TK2: variants seen among roughly 807,000 people sequenced by gnomAD.
TK2 encodes the protein thymidine kinase 2, mitochondrial.
A neutral mutation model predicts 41.9 loss-of-function variants in TK2; 35 were observed. That is an observed-to-expected ratio of 0.84 (90% CI 0.64 to 1.11). The LOEUF is 1.11. Among genes scored for constraint, TK2 ranks in the 50% least tolerant of loss-of-function variants. The pLI is 0.00. For synonymous variants in TK2, 128 were observed against 129.1 expected (o/e 0.99, Z 0.06); for missense variants, 320 against 351.1 (o/e 0.91, Z 0.71).
At chr16:66,549,727 T>C (rs1421566039) in intron 1 of TK2, 9 of 1,278,190 alleles carry the variant, frequency 7.0e-6, no homozygotes, top group Non-Finnish European at 8.8e-6. Flanking sequence ...CCTCTCTCCA[T>C]CCCAGAACCA....
chr16:66,509,520 G>C lies in TK2; in HGVS notation c.*2448C>G, dbSNP rs1964388306. 1 of 152,240 alleles carries C rather than the reference G, an allele frequency of 6.6e-6. No homozygotes were observed. Among genetic ancestry groups the C allele is most frequent in the Admixed American group, 6.5e-5 (1 of 15,286 alleles). 9.4% of individuals were successfully genotyped at this position (152,240 alleles called of 1,614,324 possible). A position where few individuals can be genotyped will look rare whatever the true frequency, so the allele number is the denominator to read the frequency against. On this transcript the variant is annotated 3_prime_UTR_variant, in exon 10 of 10. Coordinates refer to ENST00000544898, the MANE Select transcript of TK2 (RefSeq NM_004614.5). ...ATAAAAGCTGAAATAAATGCTAATT[G>C]AAAGAAAATGTATATGTGCAACAAA...
At chr16:66,544,571 CTG>C (rs1285321460) in intron 2 of TK2, among the ~76,000 whole-genome samples, 1 of 152,178 alleles carries the variant, frequency 6.6e-6, no homozygotes, top group Non-Finnish European at 1.5e-5. Flanking sequence ...CAACAGGAAA[CTG>C]TGAAAAGGAG....
intron 5 of TK2, among the ~76,000 whole-genome samples, chr16:66,530,993 G>A (rs1197385005): frequency 6.6e-6 from 1 of 152,214 alleles, no homozygotes; most frequent in African/African-American, 2.4e-5. Context: ...AAAGTGCTGG[G>A]ATTACAGGTG....
rs1567523140 is a variant in TK2, at chr16:66,513,163, CG to C, written c.699+567del. 2.6e-5 allele frequency among the ~76,000 whole-genome samples: 4 copies of C among 152,132 alleles called. No individual in the cohort carries two copies. The South Asian group carries it at 8.3e-4, about 31-fold the overall frequency. On this transcript the variant is annotated intron_variant, in intron 9 of 9. Coordinates refer to ENST00000544898, the MANE Select transcript of TK2 (RefSeq NM_004614.5). ...AGATGGGGAAGTAAGGAAATGCTGACGGGACAGACACATCAATATCAGTCAG... is the reference window on the plus strand; with the variant it reads ...AGATGGGGAAGTAAGGAAATGCTGACGGACAGACACATCAATATCAGTCAG...
intron 4 of TK2, among the ~76,000 whole-genome samples, chr16:66,531,721 A>C (rs572678619): frequency 1.3e-5 from 2 of 152,350 alleles, no homozygotes; most frequent in Admixed American, 1.3e-4. Flanking sequence ...GAATTAGGCC[A>C]GACAAAGAAA....
Position 66,517,368 on chromosome 16 carries a change from C to T in TK2, c.539-153G>A, listed in dbSNP as rs955114197. On this transcript the variant is annotated intron_variant, in intron 7 of 9. Transcript: ENST00000544898. This position sits in a 1 kb window ranked among gnomAD's most constrained non-coding sequence, Gnocchi z 4.3. ...CTTGACCACTGACCCTCCGCCTCGACTTTCATTCTCTTTCAGTGTCAGCGG... is the reference window on the plus strand; with the variant it reads ...CTTGACCACTGACCCTCCGCCTCGATTTTCATTCTCTTTCAGTGTCAGCGG... 7 of 750,338 alleles carry T rather than the reference C, an allele frequency of 9.3e-6. No individual in the cohort carries two copies. Among genetic ancestry groups the T allele is most frequent in the Middle Eastern group, 3.1e-4 (1 of 3,188 alleles). 46.5% of individuals were successfully genotyped at this position (750,338 alleles called of 1,614,324 possible).
At chr16:66,549,666 C>A in intron 1 of TK2, 1 of 1,218,722 alleles carries the variant, frequency 8.2e-7, no homozygotes, top group East Asian at 3.5e-5. Context: ...GGTCGGGGGA[C>A]CGAGTTTGGG....
At position 66,547,254 on chromosome 16, in the gene TK2, G is replaced by C. The variant is rs183756847; in HGVS notation, c.156+1724C>G. 1.2e-4 allele frequency among the ~76,000 whole-genome samples: 18 copies of C among 152,114 alleles called. No individual in the cohort carries two copies. The East Asian group carries it at 3.5e-3, about 29-fold the overall frequency. On this transcript the variant is annotated intron_variant, in intron 2 of 9. Coordinates refer to ENST00000544898, the MANE Select transcript of TK2 (RefSeq NM_004614.5). The stretch of plus-strand genomic sequence containing the variant: ...GGGCCCTGCTTTCCCACTCAGCTGC[G>C]GGCTCTGTGCCATCTCTAGTTTAGT...
rs1288452721 is a variant in TK2 at position 66,511,973 on chromosome 16, G to A, written c.793C>T (p.Pro265Ser). The change falls in exon 10 of 10, where the codon CCA becomes TCA. Residue 265 changes from proline (P) to serine (S), a missense_variant. By Grantham distance (74) the Pro-to-Ser change is moderately conservative. Transcript: ENST00000544898. ...AGCCATAGACCTTTTGCCTCCTATG[G>A]GCAATGCTTCCGATTCTCTGGAGTT... ...ILTPENRKHC[P>S] 6 of 1,614,028 alleles carry A rather than the reference G, an allele frequency of 3.7e-6. No homozygotes were observed. Among genetic ancestry groups the A allele is most frequent in the East Asian group, 4.5e-5 (2 of 44,888 alleles).
rs1964560660 is a variant in TK2, at chr16:66,514,762, T to G, written c.619-951A>C. ...AATGTGGGGAAAAGAAAGATCAGAT[T>G]GTTACTGTGTCTGTGTAGAAAGAAG... On this transcript the variant is annotated intron_variant, in intron 8 of 9. Coordinates refer to ENST00000544898, the MANE Select transcript of TK2 (RefSeq NM_004614.5). The surrounding 1 kb of genome is among the most constrained non-coding windows in gnomAD (Gnocchi z 4.2). 6.6e-6 allele frequency among the ~76,000 whole-genome samples: 1 copy of G among 152,206 alleles called. No homozygotes were observed. Among genetic ancestry groups the G allele is most frequent in the South Asian group, 2.1e-4 (1 of 4,836 alleles).
At chr16:66,526,457 C>G (rs981851964) in intron 6 of TK2, among the ~76,000 whole-genome samples, 4 of 152,104 alleles carry the variant, frequency 2.6e-5, no homozygotes, top group Non-Finnish European at 2.9e-5. Flanking sequence ...AAAAGAGCCA[C>G]GAGGCCGAGC....
chr16:66,542,821 A>G (rs573728843), intron 2 of TK2, among the ~76,000 whole-genome samples: 1 of 152,372 alleles, frequency 6.6e-6, no homozygotes, highest in South Asian at 2.1e-4. Flanking sequence ...CAGGGATGCC[A>G]CAGCCCAGAC....
At chr16:66,531,548 C>T in intron 4 of TK2, 79 bp from the exon 5 acceptor site, 1 of 1,393,936 alleles carries the variant, frequency 7.2e-7, no homozygotes, top group Admixed American at 1.8e-5. Flanking sequence ...CACTGAAGGA[C>T]AGCTCAAGAA....
intron 6 of TK2, among the ~76,000 whole-genome samples, chr16:66,525,633 C>G (rs1371848970): frequency 6.6e-6 from 1 of 152,174 alleles, no homozygotes; most frequent in Non-Finnish European, 1.5e-5. Flanking sequence ...CCACAGTGCT[C>G]CCAGTAGCCT....
chr16:66,517,848 A>C lies in TK2; in HGVS notation c.479T>G (p.Val160Gly). Reference sequence around the variant, plus strand: ...GATCCAGTCAAACCATTCCGACAGAACTACATAGTCCACTTCTGGCATCTT... The same window carrying C: ...GATCCAGTCAAACCATTCCGACAGACCTACATAGTCCACTTCTGGCATCTT... Reference protein sequence around the residue: ...SGKMPEVDYVVLSEWFDWILR... With the variant: ...SGKMPEVDYVGLSEWFDWILR... The change falls in exon 7 of 10, where the codon GTT (valine) becomes GGT (glycine). Residue 160 changes from valine to glycine, a missense_variant. Coordinates refer to ENST00000544898, the MANE Select transcript of TK2 (RefSeq NM_004614.5). The surrounding 1 kb of genome is among the most constrained non-coding windows in gnomAD (Gnocchi z 4.3). 6.2e-7 allele frequency: 1 copy of C among 1,614,180 alleles called. No homozygotes were observed. Among genetic ancestry groups the C allele is most frequent in the Non-Finnish European group, 8.5e-7 (1 of 1,180,008 alleles).
intron 6 of TK2, among the ~76,000 whole-genome samples, chr16:66,523,265 T>G (rs1229658800): frequency 6.6e-6 from 1 of 152,082 alleles, no homozygotes; most frequent in Non-Finnish European, 1.5e-5. Context: ...CCCTCCCACC[T>G]TGTGAAGGGC....
intron 6 of TK2, among the ~76,000 whole-genome samples, chr16:66,518,593 AC>A (rs1297707772): frequency 1.3e-5 from 2 of 152,264 alleles, no homozygotes; most frequent in African/African-American, 2.4e-5. Flanking sequence ...CACTGTTTAA[AC>A]CAATAAAAAA....
intron 6 of TK2, among the ~76,000 whole-genome samples, chr16:66,527,423 A>G (rs556200335): frequency 6.6e-6 from 1 of 152,282 alleles, no homozygotes; most frequent in African/African-American, 2.4e-5. Flanking sequence ...GGTGCAAAAC[A>G]GTGGGGGACC....
intron 6 of TK2, among the ~76,000 whole-genome samples, chr16:66,523,862 C>A (rs528145050): frequency 6.6e-6 from 1 of 152,176 alleles, no homozygotes; most frequent in South Asian, 2.1e-4. Flanking sequence ...AACAAAAAAA[C>A]CCCACATCTA....
Sources: allele counts gnomAD v4.1 joint callset (sites outside exome capture counted in the v4.1 genomes callset), GRCh38; gene constraint gnomAD v4.1.1; non-coding constraint Gnocchi (gnomAD v3.1); transcripts MANE v1.5; gene names NCBI Gene and HGNC (gene_info 2026-07-23, HGNC 2026-07-21).